The following ANK2 variants were observed in gnomAD, a reference collection of about 807,000 sequenced individuals.
ANK2 encodes the protein ankyrin 2.
Under a neutral mutation model 360.5 loss-of-function variants are expected in ANK2, and 83 were observed. That is an observed-to-expected ratio of 0.23 (90% confidence interval 0.19 to 0.28). The LOEUF (loss-of-function observed/expected upper bound fraction) is 0.28. ANK2 is among the 10% of genes least tolerant of loss of function. The pLI, the probability that ANK2 is intolerant of heterozygous loss-of-function variation, is 1.00. For missense variants in ANK2, 4,201 were observed against 4,795.7 expected (o/e 0.88, Z 3.66); for synonymous variants, 1,740 against 1,759.5 (o/e 0.99, Z 0.28).
chr4:112,718,047 A>T, the ANK2 span, among the ~76,000 whole-genome samples: 3 of 152,208 alleles, frequency 2.0e-5, no homozygotes, highest in Non-Finnish European at 4.4e-5. Context: ...ACTTCTAAAC[A>T]TTTGCATTCT....
chr4:112,730,252 CAAAA>C, the ANK2 span, among the ~76,000 whole-genome samples: 2 of 50,900 alleles, frequency 3.9e-5, no homozygotes, highest in African/African-American at 8.4e-5. Flanking sequence ...GACTCTGTCT[CAAAA>C]AAAAAAAAAA....
chr4:113,373,800 C>A (rs1009197751), intron 45 of ANK2, among the ~76,000 whole-genome samples: 1 of 152,158 alleles, frequency 6.6e-6, no homozygotes, highest in African/African-American at 2.4e-5. Context: ...CGTGTAGAAA[C>A]GCACTGTGGT....
intron 4 of ANK2, among the ~76,000 whole-genome samples, chr4:113,224,095 A>C (rs1411815482): frequency 1.3e-5 from 2 of 152,146 alleles, no homozygotes; most frequent in Non-Finnish European, 2.9e-5. Flanking sequence ...AGTGACTTTT[A>C]AACCTTAGCC....
Position 113,248,363 on chromosome 4 carries a change from C to T in ANK2, c.892-1401C>T, listed in dbSNP as rs191179094. ...CCTAAAAAGTGAGAAGTACAGGAGA[C>T]CCCCAGAACTTCAAAGGAGAGAATT... On this transcript the variant is annotated intron_variant, in intron 9 of 45. Coordinates refer to ENST00000357077, the MANE Select transcript of ANK2 (RefSeq NM_001148.6). Among the ~76,000 whole-genome samples the T allele has an allele frequency of 2.0e-5, 3 of 152,186 alleles. No individual in the cohort carries two copies. In the East Asian group the frequency reaches 5.8e-4, roughly 29 times the overall value.
the ANK2 span, among the ~76,000 whole-genome samples, chr4:112,740,134 G>C: frequency 6.6e-6 from 1 of 151,650 alleles, no homozygotes; most frequent in Admixed American, 6.6e-5. Flanking sequence ...TTTAGTTAAA[G>C]TTCTGTTCTG....
chr4:113,080,731 G>C (rs2135354), intron 1 of ANK2, among the ~76,000 whole-genome samples: 1 of 151,902 alleles, frequency 6.6e-6, no homozygotes, highest in African/African-American at 2.4e-5. Flanking sequence ...CTGTTGTTTC[G>C]TGGATGAGCA....
At chr4:112,827,396 C>A in intron 1 of ANK2, 1 of 1,379,672 alleles carries the variant, frequency 7.2e-7, no homozygotes, top group Non-Finnish European at 1.0e-6. Context: ...GCTCTTGCAG[C>A]TATTGGACCA....
At chr4:113,052,795 C>T (rs908867799) in intron 1 of ANK2, among the ~76,000 whole-genome samples, 6 of 152,052 alleles carry the variant, frequency 3.9e-5, no homozygotes, top group African/African-American at 4.8e-5. Flanking sequence ...TCTCAGTAAA[C>T]GGGTGCCAGG....
rs2066023217 is a variant in ANK2 at position 113,049,656 on chromosome 4, T to C, written c.-73T>C. On this transcript the variant is annotated 5_prime_UTR_variant, in exon 1 of 46. Transcript: ENST00000357077. ...CCTCCTCCTGCTTTCCTCCAGTAAG[T>C]GCATACCCGCTAGTGGTCTGTACAG... 1.3e-6 allele frequency: 2 copies of C among 1,568,832 alleles called. No individual in the cohort carries two copies. Among genetic ancestry groups the C allele is most frequent in the African/African-American group, 2.7e-5 (2 of 73,766 alleles).
Position 113,359,258 on chromosome 4 carries a change from T to C in ANK2, c.10640T>C (p.Ile3547Thr). ...PIWDESIETL[I>T]ERIPDENGHD... Reference sequence around the variant, plus strand: ...TGGGATGAGTCTATTGAGACTCTGATTGAACGCATCCCTGATGAAAATGGC... The same window carrying C: ...TGGGATGAGTCTATTGAGACTCTGACTGAACGCATCCCTGATGAAAATGGC... The change falls in exon 38 of 46, where the codon ATT (isoleucine) becomes ACT (threonine). Residue 3547 changes from isoleucine (I) to threonine (T), a missense_variant. Coordinates refer to ENST00000357077, the MANE Select transcript of ANK2 (RefSeq NM_001148.6). 6.2e-7 allele frequency: 1 copy of C among 1,613,956 alleles called. No individual in the cohort carries two copies. Among genetic ancestry groups the C allele is most frequent in the Non-Finnish European group, 8.5e-7 (1 of 1,179,872 alleles).
chr4:112,732,054 C>G, the ANK2 span, among the ~76,000 whole-genome samples: 4 of 152,186 alleles, frequency 2.6e-5, 1 homozygote, highest in South Asian at 8.3e-4. Flanking sequence ...CTAGTTGACT[C>G]ATGTTGGTGG....
intron 2 of ANK2, among the ~76,000 whole-genome samples, chr4:112,965,571 G>C (rs1376054402): frequency 6.6e-6 from 1 of 152,150 alleles, no homozygotes; most frequent in Non-Finnish European, 1.5e-5. Context: ...AGTTTCTCCA[G>C]TGTTTTCTTA....
Position 113,199,176 on chromosome 4 carries a change from A to C in ANK2, c.384+67A>C, listed in dbSNP as rs1225139820. On this transcript the variant is annotated intron_variant, in intron 4 of 45. Coordinates refer to ENST00000357077, the MANE Select transcript of ANK2 (RefSeq NM_001148.6). Reference sequence around the variant, plus strand: ...TAGAACAGTTTTGTGAAATTGATTTAATGTGTTTAGCTAGCTGTTCTACTG... The same window carrying C: ...TAGAACAGTTTTGTGAAATTGATTTCATGTGTTTAGCTAGCTGTTCTACTG... 6.2e-6 allele frequency: 8 copies of C among 1,289,324 alleles called. No individual in the cohort carries two copies. In the Admixed American group the frequency reaches 6.8e-5, roughly 11 times the overall value. The allele number at this position is 1,289,324 out of a possible 1,614,324, so 79.9% of individuals were successfully genotyped here.
intron 23 of ANK2, among the ~76,000 whole-genome samples, chr4:113,306,204 T>C (rs376713776): frequency 3.3e-5 from 5 of 152,336 alleles, no homozygotes; most frequent in African/African-American, 1.2e-4. Flanking sequence ...CACTATGTTG[T>C]CAGTTTTTCA....
chr4:113,323,850 C>G (rs79469986), intron 26 of ANK2: 1 of 1,532,874 alleles, frequency 6.5e-7, no homozygotes, highest in Non-Finnish European at 9.0e-7. Flanking sequence ...CTCCCCCTTT[C>G]GCCATCTCCT....
intron 2 of ANK2, among the ~76,000 whole-genome samples, chr4:113,018,039 C>T (rs574685399): frequency 6.6e-6 from 1 of 152,312 alleles, no homozygotes; most frequent in East Asian, 1.9e-4. Context: ...AATGGGAATT[C>T]ATCGCAATTT....
At chr4:112,706,168 C>T in the ANK2 span, among the ~76,000 whole-genome samples, 6 of 151,686 alleles carry the variant, frequency 4.0e-5, no homozygotes, top group African/African-American at 1.2e-4. Context: ...ACCTCCCCGG[C>T]CCCGGAAGGC....
Position 113,288,535 on chromosome 4 carries a change from C to T in ANK2, c.2277+49C>T, listed in dbSNP as rs29357. 0.11 allele frequency: 162,839 copies of T among 1,474,462 alleles called. 9,460 individuals carry two copies. Among genetic ancestry groups the T allele is most frequent in the Non-Finnish European group, 0.11 (120,757 of 1,055,268 alleles). 91.3% of individuals were successfully genotyped at this position (1,474,462 alleles called of 1,614,324 possible). On this transcript the variant is annotated intron_variant, in intron 20 of 45. Transcript: ENST00000357077. ...AATTCCTATAAGCAAAAAGGTTCAG[C>T]CATCTGGATGCTTCACTAGTTTACC...
At chr4:113,311,475 A>T in intron 24 of ANK2, 76 bp downstream of exon 24, 1 of 1,550,938 alleles carries the variant, frequency 6.4e-7, no homozygotes, top group Non-Finnish European at 8.8e-7. Flanking sequence ...ATAAAAATGT[A>T]GATGCAATTA....
Sources: allele counts gnomAD v4.1 joint callset (sites outside exome capture counted in the v4.1 genomes callset), GRCh38; gene constraint gnomAD v4.1.1; transcripts MANE v1.5; gene names NCBI Gene and HGNC (gene_info 2026-07-23, HGNC 2026-07-21).